The following SNTG2 variants were observed in gnomAD, a reference collection of about 807,000 sequenced individuals.
The protein encoded by SNTG2 is syntrophin gamma 2, also known as gamma-2-syntrophin.
Under a neutral mutation model 70.9 loss-of-function variants are expected in SNTG2, and 74 were observed. That is an observed-to-expected ratio of 1.04 (90% CI 0.86 to 1.27). The LOEUF (loss-of-function observed/expected upper bound fraction) is 1.27, where lower values mean the gene tolerates loss of function less well. SNTG2 is among the 50% of genes most tolerant of loss of function. SNTG2 has a pLI of 0.00. For missense variants in SNTG2, 717 were observed against 690.7 expected (o/e 1.04, Z -0.43); for synonymous variants, 278 against 273.8 (o/e 1.02, Z -0.15).
At chr2:1,236,502 A>G (rs918901164) in intron 9 of SNTG2, among the ~76,000 whole-genome samples, 2 of 152,072 alleles carry the variant, frequency 1.3e-5, no homozygotes, top group African/African-American at 4.8e-5. Context: ...CCACACAGTC[A>G]CCTCCACCTT....
At chr2:1,059,957 G>C (rs4287795) in intron 1 of SNTG2, among the ~76,000 whole-genome samples, 25,155 of 151,958 alleles carry the variant, frequency 0.17, 2,179 homozygotes, top group South Asian at 0.2. Context: ...AGATATATAA[G>C]AAAAGTGGCA....
rs1034460151 is a variant in SNTG2, at chr2:1,097,847, G to T, written c.211-349G>T. On this transcript the variant is annotated intron_variant, in intron 2 of 16. Transcript: ENST00000308624. The surrounding 1 kb of genome is among the most constrained non-coding windows in gnomAD (Gnocchi z 4.1). Reference sequence around the variant, plus strand: ...GTTCTAAAACAGGACTGAGTGCTCCGCCCCACTTCCCTTTCACCACCTGGG... The same window carrying T: ...GTTCTAAAACAGGACTGAGTGCTCCTCCCCACTTCCCTTTCACCACCTGGG... Among the ~76,000 whole-genome samples the T allele has an allele frequency of 6.6e-6, 1 of 151,756 alleles. No homozygotes were observed. The highest frequency in any genetic ancestry group is 6.6e-5 in the Admixed American group (1 of 15,248).
chr2:1,333,545 A>T (rs1369819812), intron 16 of SNTG2, among the ~76,000 whole-genome samples: 1 of 152,220 alleles, frequency 6.6e-6, no homozygotes, highest in Non-Finnish European at 1.5e-5. Flanking sequence ...AAACCATAAT[A>T]GAAGGCTATA....
chr2:973,828 G>A (rs1660824731), intron 1 of SNTG2, among the ~76,000 whole-genome samples: 1 of 152,156 alleles, frequency 6.6e-6, no homozygotes, highest in African/African-American at 2.4e-5. Context: ...AGGGATTCAT[G>A]CTGATGCTCT....
chr2:994,796 C>T (rs1661623807), intron 1 of SNTG2, among the ~76,000 whole-genome samples: 1 of 151,380 alleles, frequency 6.6e-6, no homozygotes, highest in South Asian at 2.1e-4. Flanking sequence ...TGAAATTATT[C>T]TCAGGGTTTT....
chr2:1,270,868 C>G (rs1678983071), intron 14 of SNTG2, among the ~76,000 whole-genome samples: 1 of 152,152 alleles, frequency 6.6e-6, no homozygotes, highest in Non-Finnish European at 1.5e-5. Flanking sequence ...GTTGATAGCA[C>G]TGATTTTTCT....
chr2:1,202,181 T>C (rs966901746), intron 8 of SNTG2, among the ~76,000 whole-genome samples: 2 of 152,086 alleles, frequency 1.3e-5, no homozygotes, highest in Admixed American at 1.3e-4. Context: ...CAATATAAAC[T>C]GTTTCTTTTC....
intron 1 of SNTG2, among the ~76,000 whole-genome samples, chr2:1,063,643 GA>G (rs1662967218): frequency 6.6e-6 from 1 of 152,138 alleles, no homozygotes; most frequent in Non-Finnish European, 1.5e-5. Context: ...GGTTATTAAT[GA>G]AAAACATGTC....
intron 1 of SNTG2, among the ~76,000 whole-genome samples, chr2:988,901 C>T (rs977554624): frequency 6.6e-6 from 1 of 152,098 alleles, no homozygotes; most frequent in Non-Finnish European, 1.5e-5. Flanking sequence ...TTTAGATCTC[C>T]TTTGAATTCT....
At chr2:1,317,844 C>G (rs67870593) in intron 16 of SNTG2, among the ~76,000 whole-genome samples, 2,305 of 37,882 alleles carry the variant, frequency 0.061, 982 homozygotes, top group Middle Eastern at 0.28. Context: ...AGGATGTTTC[C>G]TGTTAGAGAG....
At chr2:994,634 C>T (rs55908451) in intron 1 of SNTG2, among the ~76,000 whole-genome samples, 13,148 of 152,014 alleles carry the variant, frequency 0.086, 758 homozygotes, top group South Asian at 0.21. Flanking sequence ...TTATCCATTT[C>T]ATAATATTAA....
chr2:1,291,310 C>T (rs1162740675), intron 14 of SNTG2, among the ~76,000 whole-genome samples: 1 of 152,098 alleles, frequency 6.6e-6, no homozygotes, highest in Non-Finnish European at 1.5e-5. Flanking sequence ...GTTGGATTTC[C>T]ACTCTTTGGT....
chr2:1,266,080 G>C (rs1678715561), intron 13 of SNTG2, among the ~76,000 whole-genome samples: 1 of 152,094 alleles, frequency 6.6e-6, no homozygotes, highest in African/African-American at 2.4e-5. Flanking sequence ...AGGATAGAGA[G>C]AGACAGAGAA....
rs1660676255 is a variant in SNTG2 at position 1,353,226 on chromosome 2, A to G, written c.1489-14117A>G. 6.6e-6 allele frequency among the ~76,000 whole-genome samples: 1 copy of G among 152,112 alleles called. No individual in the cohort carries two copies. Among genetic ancestry groups the G allele is most frequent in the Non-Finnish European group, 1.5e-5 (1 of 68,020 alleles). On this transcript the variant is annotated intron_variant, in intron 16 of 16. Transcript: ENST00000308624. This position sits in a 1 kb window ranked among gnomAD's most constrained non-coding sequence, Gnocchi z 4.2. ...TCCCCAGGACAGCCAGGTCACCTGT[A>G]CACCACCTCCCGCCCACAGAAACAG...
At chr2:985,741 A>C (rs1416031875) in intron 1 of SNTG2, among the ~76,000 whole-genome samples, 3 of 152,138 alleles carry the variant, frequency 2.0e-5, no homozygotes, top group Non-Finnish European at 4.4e-5. Context: ...GTCTGAGAGC[A>C]GTTTCACCTA....
intron 8 of SNTG2, among the ~76,000 whole-genome samples, chr2:1,175,345 A>G (rs1671402692): frequency 6.6e-6 from 1 of 152,176 alleles, no homozygotes; most frequent in South Asian, 2.1e-4. Context: ...GGTATTTATA[A>G]TCAATTTGTG....
chr2:1,249,913 G>A (rs987413499), intron 12 of SNTG2, among the ~76,000 whole-genome samples: 1 of 152,144 alleles, frequency 6.6e-6, no homozygotes, highest in African/African-American at 2.4e-5. Context: ...CATTTGCAAG[G>A]GACAGAGAAT....
At chr2:1,168,697 C>T (rs1414776118) in intron 7 of SNTG2, among the ~76,000 whole-genome samples, 1 of 152,218 alleles carries the variant, frequency 6.6e-6, no homozygotes, top group African/African-American at 2.4e-5. Context: ...AATCGATCTT[C>T]CTGCCATTGT....
intron 15 of SNTG2, among the ~76,000 whole-genome samples, chr2:1,313,748 G>A (rs531361206): frequency 2.4e-4 from 37 of 152,208 alleles, no homozygotes; most frequent in African/African-American, 5.5e-4. Flanking sequence ...TCACGCCTGC[G>A]CCCATGGAGC....
Sources: allele counts gnomAD v4.1 joint callset (sites outside exome capture counted in the v4.1 genomes callset), GRCh38; gene constraint gnomAD v4.1.1; non-coding constraint Gnocchi (gnomAD v3.1); transcripts MANE v1.5; gene names NCBI Gene and HGNC (gene_info 2026-07-23, HGNC 2026-07-21).